The following ZC3H3 variants were observed in gnomAD, a reference collection of about 807,000 sequenced individuals.
ZC3H3 encodes zinc finger CCCH domain-containing protein 3.
ZC3H3 carries 36 observed loss-of-function variants against 77.3 expected under a neutral mutation model. The observed-to-expected ratio is 0.47, with a 90% CI of 0.36 to 0.61. ZC3H3 has a LOEUF of 0.61. Among genes scored for constraint, ZC3H3 ranks in the 20% least tolerant of loss-of-function variants. ZC3H3 has a pLI of 0.00. For synonymous variants in ZC3H3, 626 were observed against 555.2 expected (o/e 1.13, Z -1.79); for missense variants, 1,331 against 1,312.2 (o/e 1.01, Z -0.22).
intron 4 of ZC3H3, among the ~76,000 whole-genome samples, chr8:143,478,504 CCTT>C (rs890935289): frequency 1.3e-5 from 2 of 152,332 alleles, no homozygotes; most frequent in African/African-American, 2.4e-5. Context: ...TGCCCCCGCT[CCTT>C]CTTATTTTTT....
intron 4 of ZC3H3, among the ~76,000 whole-genome samples, chr8:143,481,588 G>A (rs62521922): frequency 0.11 from 17,450 of 152,266 alleles, 1,265 homozygotes; most frequent in Admixed American, 0.19. Flanking sequence ...CCTGCCAAGC[G>A]CCGCCACACG....
intron 3 of ZC3H3, chr8:143,523,444 G>A: frequency 2.0e-6 from 2 of 985,390 alleles, no homozygotes; most frequent in Non-Finnish European, 2.4e-6. Context: ...CTCAGGGAGG[G>A]TGGTGTTTGC....
intron 3 of ZC3H3, among the ~76,000 whole-genome samples, chr8:143,515,186 T>G (rs1040198397): frequency 6.6e-6 from 1 of 152,182 alleles, no homozygotes; most frequent in Non-Finnish European, 1.5e-5. Flanking sequence ...AGCCTCTGCT[T>G]TTCTCTTCCC....
intron 5 of ZC3H3, among the ~76,000 whole-genome samples, chr8:143,470,559 G>A (rs865989528): frequency 1.3e-5 from 2 of 152,196 alleles, no homozygotes; most frequent in Non-Finnish European, 2.9e-5. Flanking sequence ...GCAATGCGGC[G>A]GTCTGTCGGC....
rs909361948 is a variant in ZC3H3 at position 143,460,882 on chromosome 8, C to A, written c.2307+4835G>T. ...GCCAGACACCAAAGGACAGAATGTA[C>A]GATTCCACTTAGAGGACATAGCTAG... On this transcript the variant is annotated intron_variant, in intron 9 of 11. Transcript: ENST00000262577. The surrounding 1 kb of genome is among the most constrained non-coding windows in gnomAD (Gnocchi z 4.0). Among the ~76,000 whole-genome samples the A allele has an allele frequency of 6.6e-6, 1 of 152,112 alleles. No individual in the cohort carries two copies. The highest frequency in any genetic ancestry group is 2.4e-5 in the African/African-American group (1 of 41,406).
chr8:143,509,340 C>G (rs545070275), intron 3 of ZC3H3, among the ~76,000 whole-genome samples: 84 of 152,372 alleles, frequency 5.5e-4, no homozygotes, highest in African/African-American at 1.9e-3. Context: ...CCCGAGGTGA[C>G]CTCACCACCT....
intron 4 of ZC3H3, among the ~76,000 whole-genome samples, chr8:143,495,833 G>C (rs1435077579): frequency 6.6e-6 from 1 of 151,324 alleles, no homozygotes; most frequent in Non-Finnish European, 1.5e-5. Flanking sequence ...GAACTCGCAG[G>C]CTCAGCTATC....
intron 3 of ZC3H3, among the ~76,000 whole-genome samples, chr8:143,528,744 T>C (rs1822500924): frequency 6.6e-6 from 1 of 152,176 alleles, no homozygotes; most frequent in Non-Finnish European, 1.5e-5. Context: ...CCGCTAAGCA[T>C]GGTGACTGCC....
intron 4 of ZC3H3, among the ~76,000 whole-genome samples, chr8:143,506,888 G>A (rs567945202): frequency 3.3e-5 from 5 of 152,334 alleles, no homozygotes; most frequent in East Asian, 1.9e-4. Context: ...GCTACGGTCC[G>A]GTGGGTGGCC....
intron 9 of ZC3H3, among the ~76,000 whole-genome samples, chr8:143,455,189 C>T (rs1467222362): frequency 2.6e-5 from 4 of 152,096 alleles, no homozygotes; most frequent in Non-Finnish European, 2.9e-5. Flanking sequence ...TGGCGGGGGC[C>T]TGTAATCCCA....
chr8:143,478,874 A>G (rs1267732675), intron 4 of ZC3H3, among the ~76,000 whole-genome samples: 2 of 152,206 alleles, frequency 1.3e-5, no homozygotes, highest in Non-Finnish European at 2.9e-5. Flanking sequence ...CCCTCCTAAA[A>G]AAAACACCTT....
rs1486472689 is a variant in ZC3H3, at chr8:143,538,731, G to A, written c.636C>T (p.Pro212=). 1.9e-6 allele frequency: 3 copies of A among 1,609,788 alleles called. No individual in the cohort carries two copies. The highest frequency in any genetic ancestry group is 2.5e-6 in the Non-Finnish European group (3 of 1,179,876). ...VKSVGSVGDS[P]REPRRTVSES... The stretch of plus-strand genomic sequence containing the variant: ...CACTGACTGTCCGGCGGGGCTCCCG[G>A]GGGCTGTCGCCCACACTGCCCACTG... Residue 212 remains proline, a synonymous_variant, in exon 2 of 12, where the codon CCC becomes CCT. Coordinates refer to ENST00000262577, the MANE Select transcript of ZC3H3 (RefSeq NM_015117.3).
chr8:143,441,547 G>C (rs979988676), intron 9 of ZC3H3, among the ~76,000 whole-genome samples: 1 of 152,094 alleles, frequency 6.6e-6, no homozygotes, highest in African/African-American at 2.4e-5. Context: ...GGAGAGGGTG[G>C]GGCAGGTCAG....
intron 4 of ZC3H3, among the ~76,000 whole-genome samples, chr8:143,506,886 C>A (rs1821713067): frequency 1.3e-5 from 2 of 152,244 alleles, no homozygotes; most frequent in South Asian, 4.1e-4. Context: ...CAGCTACGGT[C>A]CGGTGGGTGG....
At chr8:143,535,253 G>A (rs975711333) in intron 3 of ZC3H3, among the ~76,000 whole-genome samples, 9 of 152,118 alleles carry the variant, frequency 5.9e-5, no homozygotes, top group African/African-American at 2.2e-4. Flanking sequence ...TGCCCAGGCT[G>A]GTCTTGAACT....
intron 4 of ZC3H3, among the ~76,000 whole-genome samples, chr8:143,478,463 A>G (rs774401379): frequency 2.6e-5 from 4 of 151,932 alleles, no homozygotes; most frequent in African/African-American, 4.8e-5. Context: ...CTGTTTCAGG[A>G]CCTCGGCCTG....
intron 4 of ZC3H3, among the ~76,000 whole-genome samples, chr8:143,505,339 G>GC (rs1821655489): frequency 1.3e-5 from 2 of 152,350 alleles, no homozygotes; most frequent in South Asian, 4.1e-4. Context: ...CTCTGATGCA[G>GC]CACCGGAGAT....
At chr8:143,499,264 A>T (rs1024029702) in intron 4 of ZC3H3, among the ~76,000 whole-genome samples, 3 of 152,070 alleles carry the variant, frequency 2.0e-5, no homozygotes, top group African/African-American at 7.3e-5. Context: ...CTCTGGACAG[A>T]GGGATGAGGG....
At chr8:143,485,883 T>C (rs1337628541) in intron 4 of ZC3H3, among the ~76,000 whole-genome samples, 1 of 152,238 alleles carries the variant, frequency 6.6e-6, no homozygotes. Flanking sequence ...GCCAGCGGGA[T>C]GGGCGTGAGG....
Sources: gnomAD v4.1 joint callset for allele counts (sites outside exome capture counted in the v4.1 genomes callset) on GRCh38, gnomAD v4.1.1 for gene constraint, Gnocchi (gnomAD v3.1) non-coding constraint, MANE v1.5 for transcripts, NCBI Gene and HGNC (gene_info 2026-07-23, HGNC 2026-07-21) for gene names.